Variants in SPMAP2L observed in about 807,000 individuals in gnomAD.
SPMAP2L encodes sperm microtubule associated protein 2 like.
chr4:56,577,388 A>G, the SPMAP2L span, among the ~76,000 whole-genome samples: 101 of 152,304 alleles, frequency 6.6e-4, no homozygotes, highest in African/African-American at 2.4e-3. Flanking sequence ...TACCATTCAC[A>G]CCAGCCAAAA....
the SPMAP2L span, among the ~76,000 whole-genome samples, chr4:56,602,076 C>A: frequency 6.6e-6 from 1 of 152,014 alleles, no homozygotes; most frequent in African/African-American, 2.4e-5. Flanking sequence ...GCATCATGTA[C>A]GTGTATGGCC....
the SPMAP2L span, among the ~76,000 whole-genome samples, chr4:56,561,868 C>T: frequency 3.9e-5 from 6 of 152,238 alleles, no homozygotes; most frequent in Middle Eastern, 6.8e-3. Flanking sequence ...GGATTACAGG[C>T]GCCCACCACC....
At chr4:56,606,601 T>A in the SPMAP2L span, among the ~76,000 whole-genome samples, 1 of 152,072 alleles carries the variant, frequency 6.6e-6, no homozygotes, top group Non-Finnish European at 1.5e-5. Flanking sequence ...TTCCAGTAAA[T>A]CCCCTGAGGC....
At chr4:56,611,481 C>G in the SPMAP2L span, among the ~76,000 whole-genome samples, 4 of 152,192 alleles carry the variant, frequency 2.6e-5, no homozygotes, top group African/African-American at 4.8e-5. Flanking sequence ...TCAGTGTATA[C>G]TGCTCGGGAG....
At chr4:56,552,652 T>C in the SPMAP2L span, 2 of 1,114,784 alleles carry the variant, frequency 1.8e-6, no homozygotes, top group African/African-American at 3.1e-5. Flanking sequence ...GTGATGATTG[T>C]GTTCATTACA....
the SPMAP2L span, among the ~76,000 whole-genome samples, chr4:56,622,968 G>A: frequency 6.6e-6 from 1 of 152,094 alleles, no homozygotes; most frequent in East Asian, 1.9e-4. Flanking sequence ...TGGGGTTAGG[G>A]GATAATGGGA....
the SPMAP2L span, chr4:56,530,901 ATGTGATGAGCCT>A: frequency 5.9e-6 from 9 of 1,535,072 alleles, no homozygotes; most frequent in Non-Finnish European, 7.8e-6. Flanking sequence ...AGTCCGAGGA[ATGTGATGAGCCT>A]CATGAGTCCT....
chr4:56,605,421 A>G, the SPMAP2L span, among the ~76,000 whole-genome samples: 1 of 152,210 alleles, frequency 6.6e-6, no homozygotes, highest in Non-Finnish European at 1.5e-5. Context: ...AGCAAGTACT[A>G]TGAAATAGTG....
the SPMAP2L span, among the ~76,000 whole-genome samples, chr4:56,532,581 A>G: frequency 6.6e-6 from 1 of 152,088 alleles, no homozygotes; most frequent in Non-Finnish European, 1.5e-5. Flanking sequence ...TTCCACCAGC[A>G]TCACCCCCAT....
the SPMAP2L span, among the ~76,000 whole-genome samples, chr4:56,574,979 G>A: frequency 2.0e-5 from 3 of 152,030 alleles, no homozygotes; most frequent in South Asian, 4.1e-4. Context: ...TGCTGGGCGC[G>A]GTGGCTCATG....
At chr4:56,588,818 AC>A in the SPMAP2L span, among the ~76,000 whole-genome samples, 1 of 152,100 alleles carries the variant, frequency 6.6e-6, no homozygotes, top group East Asian at 1.9e-4. Flanking sequence ...AGAGATGAGG[AC>A]CCAGTTTCAT....
chr4:56,543,140 G>T, the SPMAP2L span, among the ~76,000 whole-genome samples: 4 of 151,464 alleles, frequency 2.6e-5, no homozygotes, highest in African/African-American at 9.7e-5. Flanking sequence ...CTGGAGTGCA[G>T]GGGTGCGATC....
At chr4:56,593,280 G>T in the SPMAP2L span, 64 of 1,187,938 alleles carry the variant, frequency 5.4e-5, no homozygotes, top group Non-Finnish European at 7.7e-5. Flanking sequence ...AGGCGCTGCA[G>T]CTGTGCTACA....
chr4:56,543,548 C>T, the SPMAP2L span, among the ~76,000 whole-genome samples: 6 of 152,022 alleles, frequency 3.9e-5, no homozygotes, highest in Admixed American at 3.9e-4. Context: ...AAAGATTTGC[C>T]AGGTGTCGTG....
chr4:56,555,546 C>G, the SPMAP2L span, among the ~76,000 whole-genome samples: 1 of 152,032 alleles, frequency 6.6e-6, no homozygotes, highest in African/African-American at 2.4e-5. Flanking sequence ...ATAAACCAAG[C>G]CAGGAATAAT....
At chr4:56,594,521 G>A in the SPMAP2L span, 3 of 1,607,828 alleles carry the variant, frequency 1.9e-6, no homozygotes, top group Non-Finnish European at 2.6e-6. Flanking sequence ...AGCCCAGGGA[G>A]AATATGCTGG....
chr4:56,582,202 G>A, the SPMAP2L span, among the ~76,000 whole-genome samples: 1 of 151,878 alleles, frequency 6.6e-6, no homozygotes, highest in Non-Finnish European at 1.5e-5. Context: ...AAAATAAATT[G>A]GACTTCATCA....
the SPMAP2L span, among the ~76,000 whole-genome samples, chr4:56,592,026 A>G: frequency 6.6e-6 from 1 of 152,236 alleles, no homozygotes; most frequent in Non-Finnish European, 1.5e-5. Context: ...GTGGCCTGTT[A>G]GGAATCAGGC....
the SPMAP2L span, among the ~76,000 whole-genome samples, chr4:56,540,425 C>T: frequency 1.3e-5 from 2 of 152,110 alleles, no homozygotes; most frequent in Admixed American, 6.6e-5. Flanking sequence ...CGCCTGTAAG[C>T]CCAGCTACTC....
Sources: gnomAD v4.1 joint callset for allele counts (sites outside exome capture counted in the v4.1 genomes callset) on GRCh38, gnomAD v4.1.1 for gene constraint, MANE v1.5 for transcripts, NCBI Gene and HGNC (gene_info 2026-07-23, HGNC 2026-07-21) for gene names.